Variants in REL observed in about 807,000 individuals in gnomAD.
REL encodes the protein proto-oncogene c-Rel.
A neutral mutation model predicts 45.9 loss-of-function variants in REL; 15 were observed. The observed-to-expected ratio is 0.33, with a 90% CI of 0.22 to 0.50. The LOEUF (loss-of-function observed/expected upper bound fraction) is 0.50. Among genes scored for constraint, REL ranks in the 20% least tolerant of loss-of-function variants. The pLI is 0.98. For missense variants in REL, 601 were observed against 715.2 expected (o/e 0.84, Z 1.82); for synonymous variants, 239 against 242.1 (o/e 0.99, Z 0.12).
intron 1 of REL, among the ~76,000 whole-genome samples, chr2:60,887,627 G>A (rs774083648): frequency 1.3e-4 from 19 of 150,366 alleles, no homozygotes; most frequent in Non-Finnish European, 2.2e-4. Context: ...TTAAAGGAGG[G>A]GAGATTATTT....
intron 4 of REL, among the ~76,000 whole-genome samples, chr2:60,913,485 T>C (rs1466766776): frequency 6.6e-6 from 1 of 152,204 alleles, no homozygotes; most frequent in African/African-American, 2.4e-5. Flanking sequence ...CTTTCATCCC[T>C]GAAATCTGAT....
At chr2:60,889,464 T>C (rs55708439) in intron 1 of REL, among the ~76,000 whole-genome samples, 20,949 of 152,240 alleles carry the variant, frequency 0.14, 1,911 homozygotes, top group Non-Finnish European at 0.21. Context: ...CATTTTTTTT[T>C]ATTTTTTATT....
At chr2:60,918,131 A>G (rs947965256) in intron 5 of REL, 60 bp from the exon 6 acceptor site, 1 of 1,027,154 alleles carries the variant, frequency 9.7e-7, no homozygotes, top group South Asian at 1.5e-5. Context: ...CTTCCCTGCA[A>G]AAAGAAATAA....
At chr2:60,900,934 T>G (rs979660484) in intron 3 of REL, 58 bp from the exon 4 acceptor site, 25 of 1,425,610 alleles carry the variant, frequency 1.8e-5, no homozygotes, top group Non-Finnish European at 1.6e-5. Flanking sequence ...TATGTTTGAT[T>G]TTTGCAATAT....
At chr2:60,902,163 A>G (rs1673516230) in intron 4 of REL, among the ~76,000 whole-genome samples, 1 of 152,156 alleles carries the variant, frequency 6.6e-6, no homozygotes, top group South Asian at 2.1e-4. Flanking sequence ...ACATCCTTAT[A>G]CTGTTGGTTT....
At position 60,881,720 on chromosome 2, in the gene REL, G is replaced by T; in HGVS notation, c.-121G>T. 1 of 769,296 alleles carries T rather than the reference G, an allele frequency of 1.3e-6. No homozygotes were observed. Among genetic ancestry groups the T allele is most frequent in the Non-Finnish European group, 2.1e-6 (1 of 471,630 alleles). 47.7% of individuals were successfully genotyped at this position (769,296 alleles called of 1,614,324 possible). A position where few individuals can be genotyped will look rare whatever the true frequency, so the allele number is the denominator to read the frequency against. On this transcript the variant is annotated 5_prime_UTR_variant, in exon 1 of 10. Transcript: ENST00000394479. ...GCGGGAAGAAGGAGGAGGCCTCTAG[G>T]GTGGTCGGGGGACTGGGGGCCCCGC... is the stretch of plus-strand genomic sequence containing the variant.
rs1405793945 is a variant in REL, at chr2:60,920,631, A to G, written c.980A>G (p.Tyr327Cys). 1 of 1,594,722 alleles carries G rather than the reference A, an allele frequency of 6.3e-7. No individual in the cohort carries two copies. Among genetic ancestry groups the G allele is most frequent in the Non-Finnish European group, 8.6e-7 (1 of 1,164,374 alleles). Residue 327 changes from tyrosine to cysteine, a missense_variant, in exon 9 of 10, where the codon TAC becomes TGC. Coordinates refer to ENST00000394479, the MANE Select transcript of REL (RefSeq NM_001291746.2). Reference protein sequence around the residue: ...GLLGSIGEGRYFKKEPNLFSH... With the variant: ...GLLGSIGEGRCFKKEPNLFSH... ...CTCGGTTCAATTGGAGAAGGAAGATACTTCAAAAAAGGTATTTTATTTCCT... is the reference window on the plus strand; with the variant it reads ...CTCGGTTCAATTGGAGAAGGAAGATGCTTCAAAAAAGGTATTTTATTTCCT...
At chr2:60,911,767 G>A (rs892264038) in intron 4 of REL, among the ~76,000 whole-genome samples, 6 of 152,030 alleles carry the variant, frequency 3.9e-5, no homozygotes, top group South Asian at 2.1e-4. Context: ...TTGGGAGGCC[G>A]AGGCGGGCGG....
Position 60,922,415 on chromosome 2 carries a change from A to G in REL, c.1644A>G (p.Pro548=). Residue 548 remains proline (P), a synonymous_variant, in exon 10 of 10, where the codon CCA becomes CCG. Transcript: ENST00000394479. ...ACAGCATGATAAATGAGTCGGGACCATCAAACAGTACTAATCCAAACAGTC... is the reference window on the plus strand; with the variant it reads ...ACAGCATGATAAATGAGTCGGGACCGTCAAACAGTACTAATCCAAACAGTC... ...ADNSMINESG[P]SNSTNPNSHG... is the part of the protein sequence containing the mutation. 1 of 1,614,072 alleles carries G rather than the reference A, an allele frequency of 6.2e-7. No individual in the cohort carries two copies. Among genetic ancestry groups the G allele is most frequent in the South Asian group, 1.1e-5 (1 of 91,088 alleles).
chr2:60,898,812 C>G (rs1231391857), intron 3 of REL, among the ~76,000 whole-genome samples: 1 of 152,232 alleles, frequency 6.6e-6, no homozygotes, highest in African/African-American at 2.4e-5. Flanking sequence ...GTTTGCCAAT[C>G]TTTCCACTAG....
intron 4 of REL, among the ~76,000 whole-genome samples, chr2:60,903,461 C>A (rs950022019): frequency 6.6e-6 from 1 of 152,078 alleles, no homozygotes; most frequent in African/African-American, 2.4e-5. Flanking sequence ...GCAGCCTTGA[C>A]CTCCCAGGCT....
At chr2:60,907,731 C>T (rs1349204250) in intron 4 of REL, among the ~76,000 whole-genome samples, 1 of 151,550 alleles carries the variant, frequency 6.6e-6, no homozygotes, top group Non-Finnish European at 1.5e-5. Flanking sequence ...CGCTCTGTTG[C>T]CCAGGCTGGA....
rs775551574 is a variant in REL, at chr2:60,922,496, A to G, written c.1725A>G (p.Gln575=). Reference sequence around the variant, plus strand: ...GTATTGGCAGTATGCAAAATGAGCAATTGAGTGACTCCTTTCCATATGAAT... The same window carrying G: ...GTATTGGCAGTATGCAAAATGAGCAGTTGAGTGACTCCTTTCCATATGAAT... The part of the protein sequence containing the change: ...YSGIGSMQNE[Q]LSDSFPYEFF... Residue 575 remains glutamine, a synonymous_variant, in exon 10 of 10, where the codon CAA becomes CAG. Coordinates refer to ENST00000394479, the MANE Select transcript of REL (RefSeq NM_001291746.2). 15 of 1,610,376 alleles carry G rather than the reference A, an allele frequency of 9.3e-6. No homozygotes were observed. The highest frequency in any genetic ancestry group is 2.2e-5 in the East Asian group (1 of 44,856).
At chr2:60,914,044 C>A (rs985627734) in intron 4 of REL, among the ~76,000 whole-genome samples, 4 of 152,180 alleles carry the variant, frequency 2.6e-5, no homozygotes, top group Non-Finnish European at 2.9e-5. Flanking sequence ...TCAGACATCC[C>A]TTCTGACTTC....
chr2:60,900,424 A>G (rs1421710329), intron 3 of REL: 1 of 152,314 alleles, frequency 6.6e-6, no homozygotes, highest in African/African-American at 2.4e-5. Flanking sequence ...ATATTTTGGT[A>G]TGTTTGACAT....
intron 1 of REL, among the ~76,000 whole-genome samples, chr2:60,883,086 A>G (rs969402400): frequency 2.0e-5 from 3 of 152,130 alleles, no homozygotes; most frequent in South Asian, 2.1e-4. Flanking sequence ...GACACTTTCC[A>G]GACAGAGGAA....
Position 60,916,859 on chromosome 2 carries a change from T to A in REL, c.395-18T>A, listed in dbSNP as rs200491634. ...CTATGTGACTATTACATTTAAAAAA[T>A]TTTTTTTTTCTATTCAGTCCCTGAA... On this transcript the variant is annotated intron_variant, in intron 4 of 9. Coordinates refer to ENST00000394479, the MANE Select transcript of REL (RefSeq NM_001291746.2). 2.0e-3 allele frequency: 2,983 copies of A among 1,503,934 alleles called. 4 individuals carry two copies. Among genetic ancestry groups the A allele is most frequent in the South Asian group, 2.8e-3 (233 of 82,764 alleles). The allele number at this position is 1,503,934 out of a possible 1,614,324, so 93.2% of individuals were successfully genotyped here. A position where few individuals can be genotyped will look rare whatever the true frequency, so the allele number is the denominator to read the frequency against.
chr2:60,912,712 C>G (rs572108869), intron 4 of REL, among the ~76,000 whole-genome samples: 1 of 151,734 alleles, frequency 6.6e-6, no homozygotes, highest in East Asian at 1.9e-4. Context: ...CAATTTAAAT[C>G]TACATATTCA....
chr2:60,890,317 T>C (rs2103924276), intron 1 of REL, among the ~76,000 whole-genome samples: 1 of 152,274 alleles, frequency 6.6e-6, no homozygotes, highest in Middle Eastern at 3.4e-3. Flanking sequence ...ATGAGGTAGG[T>C]GCTATTATGA....
Sources: allele counts gnomAD v4.1 joint callset (sites outside exome capture counted in the v4.1 genomes callset), GRCh38; gene constraint gnomAD v4.1.1; transcripts MANE v1.5; gene names NCBI Gene and HGNC (gene_info 2026-07-23, HGNC 2026-07-21).